EYS: variants seen among roughly 807,000 people sequenced by gnomAD.
EYS encodes EGF-like photoreceptor maintenance factor.
EYS carries 250 observed loss-of-function variants against 282.1 expected under a neutral mutation model. The observed-to-expected ratio is 0.89, with a 90% CI of 0.80 to 0.98. The LOEUF is 0.98. EYS is among the 50% of genes least tolerant of loss of function. EYS has a pLI of 0.00. For missense variants in EYS, 4,016 were observed against 3,709.0 expected, an observed-to-expected ratio of 1.08 and a Z score of -2.15; for synonymous variants, 1,355 against 1,282.9, an observed-to-expected ratio of 1.06 and a Z score of -1.20.
chr6:64,955,845 A>G (rs1255243832), intron 14 of EYS, among the ~76,000 whole-genome samples: 2 of 152,054 alleles, frequency 1.3e-5, no homozygotes, highest in Non-Finnish European at 2.9e-5. Flanking sequence ...ACTCAGAACC[A>G]TTTCTGGCAA....
At chr6:65,191,800 T>A (rs1765648248) in intron 12 of EYS, among the ~76,000 whole-genome samples, 1 of 151,836 alleles carries the variant, frequency 6.6e-6, no homozygotes. Flanking sequence ...TGTATGTATC[T>A]GGGGATGCAG....
intron 39 of EYS, among the ~76,000 whole-genome samples, chr6:63,785,279 C>A (rs1261852163): frequency 6.6e-6 from 1 of 152,200 alleles, no homozygotes; most frequent in African/African-American, 2.4e-5. Flanking sequence ...CTACAGGCAA[C>A]AGAACTTCTA....
At chr6:64,088,479 G>C (rs1005623103) in intron 31 of EYS, among the ~76,000 whole-genome samples, 2 of 151,734 alleles carry the variant, frequency 1.3e-5, no homozygotes, top group African/African-American at 2.4e-5. Flanking sequence ...ACAAAATAAA[G>C]TTAATTTTGA....
At chr6:63,923,163 T>C (rs145316011) in intron 35 of EYS, among the ~76,000 whole-genome samples, 395 of 152,342 alleles carry the variant, frequency 2.6e-3, no homozygotes, top group East Asian at 0.012. Context: ...TAGGAAAATA[T>C]ATTAATTGTA....
intron 31 of EYS, among the ~76,000 whole-genome samples, chr6:64,086,086 C>G (rs1772148649): frequency 6.6e-6 from 1 of 152,214 alleles, no homozygotes; most frequent in Non-Finnish European, 1.5e-5. Context: ...TTCCAAGGCT[C>G]TGTCCTCTGT....
chr6:63,951,447 ATCC>A (rs752329206), intron 35 of EYS, among the ~76,000 whole-genome samples: 53 of 151,776 alleles, frequency 3.5e-4, no homozygotes, highest in Non-Finnish European at 1.2e-4. Flanking sequence ...CTTGTCCCAA[ATCC>A]TCCTCCTTTC....
At chr6:64,327,372 TG>T (rs202135194) in intron 29 of EYS, among the ~76,000 whole-genome samples, 4,728 of 152,118 alleles carry the variant, frequency 0.031, 233 homozygotes, top group African/African-American at 0.11. Flanking sequence ...CCTACTCCAC[TG>T]GGGTGCATGC....
intron 26 of EYS, among the ~76,000 whole-genome samples, chr6:64,532,474 C>T (rs532457992): frequency 1.7e-3 from 254 of 152,148 alleles, no homozygotes; most frequent in Non-Finnish European, 2.5e-3. Flanking sequence ...CTTTGGGAGG[C>T]GGAGGCGAGC....
intron 41 of EYS, among the ~76,000 whole-genome samples, 192 bp downstream of exon 41, chr6:63,762,269 A>AT (rs1360710764): frequency 6.6e-6 from 1 of 152,082 alleles, no homozygotes; most frequent in Non-Finnish European, 1.5e-5. Context: ...TAAAAGCCAT[A>AT]TTTTTTGTAC....
chr6:64,337,700 C>A (rs781364114), intron 29 of EYS, among the ~76,000 whole-genome samples: 1 of 152,014 alleles, frequency 6.6e-6, no homozygotes, highest in Non-Finnish European at 1.5e-5. Context: ...AGACCAATAT[C>A]CCTGACGAAT....
intron 12 of EYS, among the ~76,000 whole-genome samples, chr6:65,278,042 C>CTTTTCTTTTCTTTTCTTTTCTTTTCTTTT (rs1322218616): frequency 7.2e-6 from 1 of 139,566 alleles, no homozygotes; most frequent in Non-Finnish European, 1.5e-5. Flanking sequence ...CTTTTCTTTT[C>CTTTTCTTTTCTTTTCTTTTCTTTTCTTTT]TTTTCTTTTC....
At chr6:64,895,980 A>T (rs926047628) in intron 18 of EYS, among the ~76,000 whole-genome samples, 28 of 152,256 alleles carry the variant, frequency 1.8e-4, no homozygotes, top group African/African-American at 6.0e-4. Context: ...AAGTATATTA[A>T]AATTAAGTTT....
chr6:64,057,461 C>A (rs1031187218), intron 33 of EYS, among the ~76,000 whole-genome samples: 1 of 150,986 alleles, frequency 6.6e-6, no homozygotes, highest in African/African-American at 2.4e-5. Flanking sequence ...TCCACCTTCA[C>A]ATATAACAAT....
At chr6:64,364,384 T>C (rs959072929) in intron 29 of EYS, among the ~76,000 whole-genome samples, 3 of 151,946 alleles carry the variant, frequency 2.0e-5, no homozygotes, top group Admixed American at 6.6e-5. Flanking sequence ...GTGTTTCTAA[T>C]TATTTAAACC....
intron 13 of EYS, among the ~76,000 whole-genome samples, chr6:65,049,216 C>G (rs1773194424): frequency 1.3e-5 from 2 of 151,712 alleles, no homozygotes; most frequent in Admixed American, 1.3e-4. Context: ...CGCATTGCCC[C>G]TAATATTCCT....
chr6:63,790,269 C>G (rs1770476640), intron 37 of EYS, among the ~76,000 whole-genome samples: 1 of 152,048 alleles, frequency 6.6e-6, no homozygotes, highest in South Asian at 2.1e-4. Flanking sequence ...TTACTTTGAT[C>G]AGGGTAAAGG....
At chr6:65,574,751 T>C (rs1031541211) in intron 2 of EYS, among the ~76,000 whole-genome samples, 1 of 152,114 alleles carries the variant, frequency 6.6e-6, no homozygotes, top group Non-Finnish European at 1.5e-5. Flanking sequence ...TTGAACTATA[T>C]GCTTTAGAGC....
intron 34 of EYS, among the ~76,000 whole-genome samples, chr6:63,997,084 A>T (rs1232230182): frequency 3.3e-5 from 5 of 152,206 alleles, no homozygotes. Context: ...GCTAGAACCT[A>T]TTTTGATATT....
chr6:64,184,308 T>C (rs1288466520), intron 31 of EYS, among the ~76,000 whole-genome samples: 4 of 152,180 alleles, frequency 2.6e-5, no homozygotes, highest in Admixed American at 6.6e-5. Context: ...GAATGAATCT[T>C]CTAGTTATTT....
Sources: allele counts gnomAD v4.1 joint callset (sites outside exome capture counted in the v4.1 genomes callset), GRCh38; gene constraint gnomAD v4.1.1; transcripts MANE v1.5; gene names NCBI Gene and HGNC (gene_info 2026-07-23, HGNC 2026-07-21).